GABRA2: variants seen among roughly 807,000 people sequenced by gnomAD.
The protein encoded by GABRA2 is gamma-aminobutyric acid type A receptor subunit alpha2.
Under a neutral mutation model 48.7 loss-of-function variants are expected in GABRA2, and 16 were observed. That is an observed-to-expected ratio of 0.33 (90% CI 0.22 to 0.50). The LOEUF is 0.50. Ranked by LOEUF, GABRA2 falls within the 20% of genes least tolerant of loss-of-function variation. GABRA2 has a pLI of 0.98. For missense variants in GABRA2, 275 were observed against 535.6 expected (o/e 0.51, Z 4.80); for synonymous variants, 185 against 184.5 (o/e 1.00, Z -0.02).
intron 3 of GABRA2, among the ~76,000 whole-genome samples, chr4:46,375,759 C>T (rs535899629): frequency 6.6e-6 from 1 of 152,272 alleles, no homozygotes; most frequent in East Asian, 1.9e-4. Flanking sequence ...GTGCCTAGAA[C>T]ACATGAAAGC....
intron 8 of GABRA2, among the ~76,000 whole-genome samples, chr4:46,295,089 G>C (rs1347800754): frequency 2.0e-5 from 3 of 152,196 alleles, no homozygotes; most frequent in Non-Finnish European, 4.4e-5. Flanking sequence ...GAAGACTTAG[G>C]CCTGGTTCAC....
chr4:46,291,965 G>A (rs928355167), intron 8 of GABRA2, among the ~76,000 whole-genome samples: 2 of 151,874 alleles, frequency 1.3e-5, no homozygotes, highest in African/African-American at 4.8e-5. Flanking sequence ...AATATAATTA[G>A]ACCTCAAAAT....
intron 3 of GABRA2, among the ~76,000 whole-genome samples, chr4:46,370,255 C>A (rs1454375962): frequency 2.0e-5 from 3 of 151,530 alleles, no homozygotes; most frequent in African/African-American, 7.3e-5. Context: ...TATTTAAGGT[C>A]ATGAAATTGA....
chr4:46,281,687 G>A (rs998134053), intron 8 of GABRA2, among the ~76,000 whole-genome samples: 1 of 152,138 alleles, frequency 6.6e-6, no homozygotes, highest in East Asian at 1.9e-4. Flanking sequence ...GCTTGATTAG[G>A]TGGATTTGAG....
chr4:46,277,678 T>A (rs1720759062), intron 8 of GABRA2, among the ~76,000 whole-genome samples: 1 of 152,100 alleles, frequency 6.6e-6, no homozygotes, highest in Non-Finnish European at 1.5e-5. Context: ...CTTTCCTATC[T>A]CTGCATGACC....
Position 46,332,533 on chromosome 4 carries a change from A to G in GABRA2, c.255+82T>C. ...CATGAGACATATACATAATTCTATA[A>G]CACTAAAAATGCTAGTTTATTTGAA... On this transcript the variant is annotated intron_variant, in intron 4 of 9. Transcript: ENST00000381620. 5 of 797,298 alleles carry G rather than the reference A, an allele frequency of 6.3e-6. No individual in the cohort carries two copies. The Admixed American group carries it at 9.2e-5, about 15-fold the overall frequency. 49.4% of individuals were successfully genotyped at this position (797,298 alleles called of 1,614,324 possible).
In GABRA2 at chr4:46,244,092, A is replaced by T. The variant is rs1230034418; in HGVS notation, c.*6216T>A. 2 of 151,500 alleles carry T rather than the reference A, an allele frequency of 1.3e-5. No individual in the cohort carries two copies. Among genetic ancestry groups the T allele is most frequent in the Non-Finnish European group, 1.5e-5 (1 of 67,620 alleles). 9.4% of individuals were successfully genotyped at this position (151,500 alleles called of 1,614,324 possible). A position where few individuals can be genotyped will look rare whatever the true frequency, so the allele number is the denominator to read the frequency against. On this transcript the variant is annotated 3_prime_UTR_variant, in exon 10 of 10. Transcript: ENST00000381620. Reference sequence around the variant, plus strand: ...AGTGTAGTGCAGGCACCCAAGATTAACAAGCAATAAGGACTTAACTGTGGA... The same window carrying T: ...AGTGTAGTGCAGGCACCCAAGATTATCAAGCAATAAGGACTTAACTGTGGA...
At chr4:46,313,101 C>T (rs1479503716) in intron 4 of GABRA2, among the ~76,000 whole-genome samples, 1 of 141,834 alleles carries the variant, frequency 7.1e-6, no homozygotes, top group Non-Finnish European at 1.5e-5. Flanking sequence ...AATGAGTAGG[C>T]AGCTTTCCCA....
intron 3 of GABRA2, among the ~76,000 whole-genome samples, chr4:46,379,292 A>C (rs934934556): frequency 1.3e-5 from 2 of 152,202 alleles, no homozygotes; most frequent in Non-Finnish European, 2.9e-5. Context: ...GATAGCCCCC[A>C]GGCAAAATTC....
Position 46,389,730 on chromosome 4 carries a change from C to T in GABRA2, c.-11+5G>A, listed in dbSNP as rs979510282. The T allele has an allele frequency of 1.0e-6, 1 of 980,492 alleles. No homozygotes were observed. Among genetic ancestry groups the T allele is most frequent in the African/African-American group, 1.8e-5 (1 of 55,474 alleles). The allele number at this position is 980,492 out of a possible 1,614,324, so 60.7% of individuals were successfully genotyped here. The stretch of plus-strand genomic sequence containing the variant: ...CTCTATCGGGACCAACGTGTGCGAC[C>T]CTACCTGAAACGGCAAGCAGAATTC... On this transcript the variant is annotated splice_donor_5th_base_variant and intron_variant, in intron 1 of 9. Coordinates refer to ENST00000381620, the MANE Select transcript of GABRA2 (RefSeq NM_000807.4).
At chr4:46,259,675 C>T (rs769093209) in intron 9 of GABRA2, among the ~76,000 whole-genome samples, 3 of 151,720 alleles carry the variant, frequency 2.0e-5, no homozygotes, top group Non-Finnish European at 4.4e-5. Flanking sequence ...TTCATTTGCT[C>T]GTTGGATTGA....
At chr4:46,344,253 T>G (rs279821) in intron 3 of GABRA2, among the ~76,000 whole-genome samples, 57,734 of 151,734 alleles carry the variant, frequency 0.38, 11,666 homozygotes, top group East Asian at 0.56. Flanking sequence ...GACTAGAGAT[T>G]AGTGCTACAA....
chr4:46,247,917 T>A lies in GABRA2; in HGVS notation c.*2391A>T, dbSNP rs1415165909. 6.6e-6 allele frequency among the ~76,000 whole-genome samples: 1 copy of A among 151,140 alleles called. No individual in the cohort carries two copies. The highest frequency in any genetic ancestry group is 2.4e-5 in the African/African-American group (1 of 41,306). On this transcript the variant is annotated 3_prime_UTR_variant, in exon 10 of 10. Coordinates refer to ENST00000381620, the MANE Select transcript of GABRA2 (RefSeq NM_000807.4). ...TTAAAGAAATAACAAAGAATTCTGA[T>A]CCCTAGCACTGAAAAATCTGAACTG...
At chr4:46,313,690 T>C (rs1272365327) in intron 4 of GABRA2, among the ~76,000 whole-genome samples, 1 of 152,060 alleles carries the variant, frequency 6.6e-6, no homozygotes, top group African/African-American at 2.4e-5. Flanking sequence ...TACAATCCAT[T>C]GGATATTAAT....
At chr4:46,273,797 A>C (rs1719958447) in intron 8 of GABRA2, among the ~76,000 whole-genome samples, 1 of 151,932 alleles carries the variant, frequency 6.6e-6, no homozygotes, top group South Asian at 2.1e-4. Flanking sequence ...CATGATCCTG[A>C]GGTTCAGGAA....
chr4:46,280,061 G>T (rs1305060568), intron 8 of GABRA2, among the ~76,000 whole-genome samples: 1 of 151,664 alleles, frequency 6.6e-6, no homozygotes, highest in East Asian at 1.9e-4. Flanking sequence ...TTTAAAAAAT[G>T]AGATAAAAAT....
At position 46,247,330 on chromosome 4, in the gene GABRA2, A is replaced by G. The variant is rs1713906198; in HGVS notation, c.*2978T>C. On this transcript the variant is annotated 3_prime_UTR_variant, in exon 10 of 10. Transcript: ENST00000381620. ...CACACTAGTGGCATCATAGCTCATT[A>G]AAGAACTCCCAGTACTAAATTAATT... is the stretch of plus-strand genomic sequence containing the variant. Among the ~76,000 whole-genome samples the G allele has an allele frequency of 2.0e-5, 3 of 151,346 alleles. No homozygotes were observed. In the South Asian group the frequency reaches 6.2e-4, roughly 31 times the overall value.
chr4:46,333,418 G>A (rs1560540657), intron 3 of GABRA2, among the ~76,000 whole-genome samples: 1 of 151,846 alleles, frequency 6.6e-6, no homozygotes, highest in Non-Finnish European at 1.5e-5. Flanking sequence ...AAAGGTCAAA[G>A]AAAGATCAAA....
chr4:46,384,453 A>C (rs1375810091), intron 3 of GABRA2, among the ~76,000 whole-genome samples: 1 of 152,186 alleles, frequency 6.6e-6, no homozygotes, highest in East Asian at 1.9e-4. Flanking sequence ...GATTTTACAA[A>C]AGAAATATAA....
Sources: allele counts gnomAD v4.1 joint callset (sites outside exome capture counted in the v4.1 genomes callset), GRCh38; gene constraint gnomAD v4.1.1; transcripts MANE v1.5; gene names NCBI Gene and HGNC (gene_info 2026-07-23, HGNC 2026-07-21).